The following GRIP1 variants were observed in gnomAD, a reference collection of about 807,000 sequenced individuals.
The protein encoded by GRIP1 is glutamate receptor interacting protein 1.
A neutral mutation model predicts 129.9 loss-of-function variants in GRIP1; 45 were observed. That is an observed-to-expected ratio of 0.35 (90% CI 0.27 to 0.44). The LOEUF (loss-of-function observed/expected upper bound fraction) is 0.44, where lower values mean the gene tolerates loss of function less well. Ranked by LOEUF, GRIP1 falls within the 20% of genes least tolerant of loss-of-function variation. The pLI, the probability that GRIP1 is intolerant of heterozygous loss-of-function variation, is 1.00. For synonymous variants in GRIP1, 530 were observed against 520.8 expected (o/e 1.02, Z -0.24); for missense variants, 1,196 against 1,396.8 (o/e 0.86, Z 2.29).
At chr12:66,537,081 G>GA (rs565279808) in intron 4 of GRIP1, among the ~76,000 whole-genome samples, 61 of 150,228 alleles carry the variant, frequency 4.1e-4, no homozygotes, top group South Asian at 4.2e-4. Flanking sequence ...TGTAAAATGA[G>GA]AAAAAAAAAT....
chr12:66,944,507 C>A (rs372392532), intron 1 of GRIP1, among the ~76,000 whole-genome samples: 2 of 148,246 alleles, frequency 1.3e-5, no homozygotes, highest in Non-Finnish European at 3.0e-5. Flanking sequence ...ATATTCACTG[C>A]AGCAGTGAAG....
At position 67,066,888 on chromosome 12, in the gene GRIP1, T is replaced by TTTTATATATATATATATA. The variant is rs59891449; in HGVS notation, c.58+2161_58+2162insTATATATATATATATAAA. 5.2e-3 allele frequency among the ~76,000 whole-genome samples: 653 copies of TTTTATATATATATATATA among 125,560 alleles called. 3 individuals carry two copies. Among genetic ancestry groups the TTTTATATATATATATATA allele is most frequent in the South Asian group, 8.6e-3 (31 of 3,622 alleles). 82.4% of individuals were successfully genotyped at this position (125,560 alleles called of 152,430 possible). A position where few individuals can be genotyped will look rare whatever the true frequency, so the allele number is the denominator to read the frequency against. On this transcript the variant is annotated intron_variant, in intron 1 of 1. Coordinates refer to the GRIP1 transcript ENST00000643019. The stretch of plus-strand genomic sequence containing the variant: ...TAGGCAGCTCAGTTTAAATATATAT[T>TTTTATATATATATATATA]TATATATATATATATATATATATAC...
chr12:66,994,873 C>T (rs1333085857), intron 1 of GRIP1, among the ~76,000 whole-genome samples: 2 of 151,766 alleles, frequency 1.3e-5, no homozygotes, highest in Non-Finnish European at 2.9e-5. Context: ...TCAAGGGACT[C>T]AAAATAGCCA....
intron 1 of GRIP1, among the ~76,000 whole-genome samples, chr12:66,636,003 C>A (rs2031326645): frequency 6.6e-6 from 1 of 152,116 alleles, no homozygotes; most frequent in South Asian, 2.1e-4. Flanking sequence ...TGGAAGCAAC[C>A]CTACTGTCGA....
At chr12:66,944,855 C>T (rs1334044923) in intron 1 of GRIP1, among the ~76,000 whole-genome samples, 1 of 152,150 alleles carries the variant, frequency 6.6e-6, no homozygotes, top group Non-Finnish European at 1.5e-5. Flanking sequence ...TACAGTGGCA[C>T]GCTCTTGGCT....
chr12:66,444,225 G>A (rs996868475), intron 13 of GRIP1, among the ~76,000 whole-genome samples: 3 of 152,198 alleles, frequency 2.0e-5, no homozygotes, highest in South Asian at 2.1e-4. Flanking sequence ...GGTGGCTCAC[G>A]CCTGTAATCC....
intron 7 of GRIP1, among the ~76,000 whole-genome samples, chr12:66,493,665 C>T (rs2060163069): frequency 6.6e-6 from 1 of 152,136 alleles, no homozygotes; most frequent in Admixed American, 6.5e-5. Context: ...AATCCAATTA[C>T]ATGCAGAGCA....
intron 1 of GRIP1, among the ~76,000 whole-genome samples, chr12:66,755,074 A>G (rs901870776): frequency 6.6e-6 from 1 of 152,212 alleles, no homozygotes; most frequent in Non-Finnish European, 1.5e-5. Context: ...CTAGTAAAAC[A>G]AAAGAAAGTG....
Position 66,583,527 on chromosome 12 carries a change from C to G in GRIP1, c.136+13320G>C, listed in dbSNP as rs1465093422. On this transcript the variant is annotated intron_variant, in intron 2 of 24. Transcript: ENST00000359742. ...TACTCATCTGACAAAGGGCTAATAT[C>G]CAGAATCTACAATGAACTCAAACCA... Among the ~76,000 whole-genome samples the G allele has an allele frequency of 3.1e-5, 4 of 129,014 alleles. No homozygotes were observed. The South Asian group carries it at 7.8e-4, about 25-fold the overall frequency. 84.6% of individuals were successfully genotyped at this position (129,014 alleles called of 152,430 possible). A position where few individuals can be genotyped will look rare whatever the true frequency, so the allele number is the denominator to read the frequency against.
chr12:66,527,209 A>G (rs1281537281), intron 5 of GRIP1, among the ~76,000 whole-genome samples: 3 of 149,970 alleles, frequency 2.0e-5, no homozygotes, highest in Non-Finnish European at 3.0e-5. Context: ...TCATGCTGCT[A>G]TAAAGACACA....
At position 66,756,784 on chromosome 12, in the gene GRIP1, G is replaced by A. The variant is rs561378131; in HGVS notation, c.-420+47269C>T. 9.8e-4 allele frequency among the ~76,000 whole-genome samples: 149 copies of A among 152,226 alleles called. 2 individuals are homozygous for A. Among genetic ancestry groups the A allele is most frequent in the South Asian group, 3.9e-3 (19 of 4,818 alleles). ...ACCAGATGACAACTGAGAATGTCAA[G>A]GTTAATCAAGAACTTGTCTGAGACC... On this transcript the variant is annotated intron_variant, in intron 1 of 4. Coordinates refer to the GRIP1 transcript ENST00000538373.
intron 1 of GRIP1, among the ~76,000 whole-genome samples, chr12:66,946,601 CA>C (rs2041671137): frequency 6.6e-6 from 1 of 151,760 alleles, no homozygotes; most frequent in African/African-American, 2.4e-5. Context: ...GGCTAAAACA[CA>C]GATTGCAGGG....
chr12:66,530,773 T>C (rs2061413542), intron 4 of GRIP1, among the ~76,000 whole-genome samples: 1 of 152,106 alleles, frequency 6.6e-6, no homozygotes, highest in South Asian at 2.1e-4. Context: ...TATTTTATCA[T>C]TATGCACAGA....
intron 1 of GRIP1, among the ~76,000 whole-genome samples, chr12:66,652,467 C>T (rs1420229159): frequency 6.6e-6 from 1 of 152,162 alleles, no homozygotes; most frequent in Non-Finnish European, 1.5e-5. Context: ...TTACAAATTA[C>T]CTTGGGTATT....
chr12:66,353,176 A>G (rs1354622453), intron 24 of GRIP1, among the ~76,000 whole-genome samples: 1 of 152,162 alleles, frequency 6.6e-6, no homozygotes, highest in Non-Finnish European at 1.5e-5. Context: ...ATTGGGAAAG[A>G]TGGCTCTGAG....
chr12:67,053,099 C>A lies in GRIP1; in HGVS notation c.58+15951G>T, dbSNP rs181480434. On this transcript the variant is annotated intron_variant, in intron 1 of 1. Transcript: ENST00000643019. ...TCCATGATGAGGAATCCATGAGGGG[C>A]CTTTGATTCATTCAGGAGTCTCCCT... Among the ~76,000 whole-genome samples the A allele has an allele frequency of 1.1e-4, 16 of 152,228 alleles. No individual in the cohort carries two copies. In the East Asian group the frequency reaches 3.1e-3, roughly 29 times the overall value.
chr12:66,624,671 T>A (rs2065410761), intron 1 of GRIP1, among the ~76,000 whole-genome samples: 1 of 152,180 alleles, frequency 6.6e-6, no homozygotes, highest in Admixed American at 6.6e-5. Context: ...TTACCCCTTT[T>A]AAATATATCT....
intron 1 of GRIP1, among the ~76,000 whole-genome samples, chr12:66,904,561 T>C (rs1467611774): frequency 1.4e-4 from 20 of 140,300 alleles, no homozygotes; most frequent in Admixed American, 1.4e-3. Context: ...GTTATTTGCT[T>C]ATGAAACCCC....
At chr12:66,362,551 T>G (rs574347955) in intron 23 of GRIP1, among the ~76,000 whole-genome samples, 1 of 151,808 alleles carries the variant, frequency 6.6e-6, no homozygotes, top group African/African-American at 2.4e-5. Flanking sequence ...AATCTGGACA[T>G]GAGGGAAATG....
Sources: allele counts gnomAD v4.1 joint callset (sites outside exome capture counted in the v4.1 genomes callset), GRCh38; gene constraint gnomAD v4.1.1; transcripts MANE v1.5; gene names NCBI Gene and HGNC (gene_info 2026-07-23, HGNC 2026-07-21).